Variants in CUEDC1 observed in about 807,000 individuals in gnomAD.
CUEDC1 encodes CUE domain containing 1.
CUEDC1 carries 30 observed loss-of-function variants against 43.7 expected under a neutral mutation model. The ratio of observed to expected loss-of-function variants is 0.69; its 90% CI spans 0.51 to 0.93. The LOEUF (loss-of-function observed/expected upper bound fraction) is 0.93, where lower values mean the gene tolerates loss of function less well. Ranked by LOEUF, CUEDC1 falls within the 40% of genes least tolerant of loss-of-function variation. CUEDC1 has a pLI of 0.00. For synonymous variants in CUEDC1, 223 were observed against 223.6 expected (o/e 1.00, Z 0.02); for missense variants, 486 against 549.0 (o/e 0.89, Z 1.15).
chr17:57,906,200 C>T (rs1213179233), intron 1 of CUEDC1, among the ~76,000 whole-genome samples: 1 of 152,148 alleles, frequency 6.6e-6, no homozygotes, highest in Non-Finnish European at 1.5e-5. Flanking sequence ...GGAAACAATC[C>T]AAGTGTCCAT....
At chr17:57,877,070 GT>G (rs2074135867) in intron 3 of CUEDC1, among the ~76,000 whole-genome samples, 1 of 152,190 alleles carries the variant, frequency 6.6e-6, no homozygotes, top group Non-Finnish European at 1.5e-5. Context: ...GACCGCTTCT[GT>G]CTGACTCCAC....
At chr17:57,915,262 G>A (rs139942548) in intron 1 of CUEDC1, 3 of 151,600 alleles carry the variant, frequency 2.0e-5, no homozygotes, top group African/African-American at 4.9e-5. Context: ...ACAGATCCCT[G>A]AAAGATGCAA....
At position 57,885,507 on chromosome 17, in the gene CUEDC1, C is replaced by T. The variant is rs761247145; in HGVS notation, c.58G>A (p.Ala20Thr). 10 of 1,455,872 alleles carry T rather than the reference C, an allele frequency of 6.9e-6. No individual in the cohort carries two copies. In the South Asian group the frequency reaches 7.1e-5, roughly 10 times the overall value. The allele number at this position is 1,455,872 out of a possible 1,614,324, so 90.2% of individuals were successfully genotyped here. A position where few individuals can be genotyped will look rare whatever the true frequency, so the allele number is the denominator to read the frequency against. ...GCCGTGCCTCCCCCGCCCCCGCGTGCCCCGGCGGTGCCACCCCCGCCGCTG... is the reference window on the plus strand; with the variant it reads ...GCCGTGCCTCCCCCGCCCCCGCGTGTCCCGGCGGTGCCACCCCCGCCGCTG... ...SGSGGGGTAG[A>T]RGGGGGTAAP... Residue 20 changes from alanine to threonine, a missense_variant, in exon 2 of 11, where the codon GCA (alanine) becomes ACA (threonine). By Grantham distance (58) the Ala-to-Thr change is moderately conservative (BLOSUM62 0). Transcript: ENST00000577830.
At chr17:57,885,141 G>C in intron 2 of CUEDC1, 88 bp downstream of exon 2, 1 of 1,470,296 alleles carries the variant, frequency 6.8e-7, no homozygotes, top group Admixed American at 2.6e-5. Context: ...GGTTCCAGTG[G>C]TGGTTGGAAT....
chr17:57,874,719 TC>T (rs1332922949), intron 3 of CUEDC1, among the ~76,000 whole-genome samples: 2 of 152,122 alleles, frequency 1.3e-5, no homozygotes, highest in African/African-American at 4.8e-5. Flanking sequence ...TGGGGGCTGC[TC>T]TAGCTCTCGG....
At chr17:57,921,954 G>C (rs1319093850) in intron 1 of CUEDC1, among the ~76,000 whole-genome samples, 1 of 152,024 alleles carries the variant, frequency 6.6e-6, no homozygotes, top group Admixed American at 6.6e-5. Flanking sequence ...CTCTACTAAA[G>C]ATACAAAAAT....
At chr17:57,896,865 G>A (rs536874766) in intron 1 of CUEDC1, among the ~76,000 whole-genome samples, 1 of 150,590 alleles carries the variant, frequency 6.6e-6, no homozygotes, top group South Asian at 2.1e-4. Flanking sequence ...TGCCTCCCGG[G>A]TTCAAGTGAT....
At chr17:57,893,730 A>G (rs889385990) in intron 1 of CUEDC1, among the ~76,000 whole-genome samples, 6 of 152,238 alleles carry the variant, frequency 3.9e-5, no homozygotes, top group Non-Finnish European at 8.8e-5. Context: ...GGAGAGACAG[A>G]CAATGCTGTC....
intron 1 of CUEDC1, among the ~76,000 whole-genome samples, chr17:57,901,140 C>T (rs1032942376): frequency 2.0e-5 from 3 of 152,190 alleles, no homozygotes; most frequent in East Asian, 1.9e-4. Flanking sequence ...TGGTTTTGGT[C>T]CCATCACTAA....
intron 1 of CUEDC1, among the ~76,000 whole-genome samples, chr17:57,892,077 G>A (rs568394914): frequency 1.4e-3 from 218 of 152,192 alleles, no homozygotes; most frequent in Non-Finnish European, 1.4e-3. Context: ...TGTAACTGTG[G>A]ATTTCCCTCC....
intron 2 of CUEDC1, among the ~76,000 whole-genome samples, chr17:57,880,475 G>A (rs953485402): frequency 6.6e-6 from 1 of 152,168 alleles, no homozygotes; most frequent in African/African-American, 2.4e-5. Context: ...CTCTCAGGGC[G>A]GAGAGTAGCA....
intron 1 of CUEDC1, among the ~76,000 whole-genome samples, chr17:57,933,208 G>A (rs1421073529): frequency 6.6e-6 from 1 of 152,146 alleles, no homozygotes; most frequent in East Asian, 1.9e-4. Flanking sequence ...CAGCAAGGGG[G>A]GAGAACCACT....
chr17:57,944,192 AT>A (rs145855386), intron 1 of CUEDC1, among the ~76,000 whole-genome samples: 5 of 144,060 alleles, frequency 3.5e-5, no homozygotes, highest in African/African-American at 1.0e-4. Flanking sequence ...ATTATTATTT[AT>A]TTTTTTATAT....
At chr17:57,944,216 T>A (rs1452977677) in intron 1 of CUEDC1, among the ~76,000 whole-genome samples, 3,164 of 144,518 alleles carry the variant, frequency 0.022, 60 homozygotes, top group African/African-American at 0.044. Flanking sequence ...ATATATTTTT[T>A]TTTTTTTTTT....
At chr17:57,893,733 A>G (rs114830931) in intron 1 of CUEDC1, among the ~76,000 whole-genome samples, 348 of 152,350 alleles carry the variant, frequency 2.3e-3, no homozygotes, top group African/African-American at 8.0e-3. Flanking sequence ...GAGACAGACA[A>G]TGCTGTCATG....
At chr17:57,913,069 T>A (rs1016308315) in intron 1 of CUEDC1, among the ~76,000 whole-genome samples, 2 of 152,094 alleles carry the variant, frequency 1.3e-5, no homozygotes, top group Non-Finnish European at 2.9e-5. Context: ...CTCACACCTG[T>A]AATCCCAGCA....
At chr17:57,919,547 G>C (rs2143102414) in intron 1 of CUEDC1, among the ~76,000 whole-genome samples, 1 of 152,312 alleles carries the variant, frequency 6.6e-6, no homozygotes, top group Non-Finnish European at 1.5e-5. Flanking sequence ...AGTGAAAGAA[G>C]TTTGAAGCCT....
intron 1 of CUEDC1, among the ~76,000 whole-genome samples, chr17:57,893,837 T>C (rs1322253825): frequency 6.6e-6 from 1 of 152,254 alleles, no homozygotes; most frequent in African/African-American, 2.4e-5. Context: ...GGCTCACGCC[T>C]GTAATCCCAG....
intron 1 of CUEDC1, among the ~76,000 whole-genome samples, chr17:57,919,337 G>A (rs1432631384): frequency 4.6e-5 from 7 of 151,798 alleles, no homozygotes; most frequent in African/African-American, 9.7e-5. Context: ...GCACCACCAT[G>A]CCTGGCTAAT....
Sources: gnomAD v4.1 joint callset for allele counts (sites outside exome capture counted in the v4.1 genomes callset) on GRCh38, gnomAD v4.1.1 for gene constraint, MANE v1.5 for transcripts, NCBI Gene and HGNC (gene_info 2026-07-23, HGNC 2026-07-21) for gene names.